Variants in KLRD1 observed in about 807,000 individuals in gnomAD.
KLRD1 encodes killer cell lectin like receptor D1.
A neutral mutation model predicts 22.6 loss-of-function variants in KLRD1; 21 were observed. The ratio of observed to expected loss-of-function variants is 0.93; its 90% CI spans 0.66 to 1.34. The LOEUF (loss-of-function observed/expected upper bound fraction) is 1.34, where lower values mean the gene tolerates loss of function less well. Among genes scored for constraint, KLRD1 ranks in the 40% most tolerant of loss-of-function variants. The pLI is 0.00. For missense variants in KLRD1, 183 were observed against 208.6 expected (o/e 0.88, Z 0.76); for synonymous variants, 59 against 71.1 (o/e 0.83, Z 0.85).
intron 1 of KLRD1, among the ~76,000 whole-genome samples, chr12:10,246,896 A>C (rs999681207): frequency 4.7e-5 from 7 of 149,644 alleles, no homozygotes; most frequent in African/African-American, 1.7e-4. Flanking sequence ...CTAAATGAGT[A>C]GGGAATTTCT....
intron 1 of KLRD1, among the ~76,000 whole-genome samples, chr12:10,270,352 A>C (rs2137642652): frequency 6.6e-6 from 1 of 152,344 alleles, no homozygotes; most frequent in South Asian, 2.1e-4. Flanking sequence ...GCTCTAAAAA[A>C]TACTTACTCT....
intron 1 of KLRD1, among the ~76,000 whole-genome samples, chr12:10,298,953 G>A (rs1456918426): frequency 6.6e-6 from 1 of 152,176 alleles, no homozygotes; most frequent in Non-Finnish European, 1.5e-5. Flanking sequence ...TAGCACCGCT[G>A]GGTTAGGGTC....
intron 1 of KLRD1, among the ~76,000 whole-genome samples, chr12:10,243,636 G>GAACAA (rs1949263462): frequency 8.0e-6 from 1 of 124,396 alleles, no homozygotes; most frequent in African/African-American, 3.1e-5. Context: ...AAAAAAAACC[G>GAACAA]AAATGAAAGA....
At chr12:10,304,072 T>G (rs1433907925), upstream of KLRD1, among the ~76,000 whole-genome samples, 1 of 152,186 alleles carries the variant, frequency 6.6e-6, no homozygotes, top group Non-Finnish European at 1.5e-5. Flanking sequence ...GATTGGATTG[T>G]CAAATCAGTA....
intron 1 of KLRD1, among the ~76,000 whole-genome samples, chr12:10,255,584 T>C (rs979641619): frequency 6.6e-6 from 1 of 152,202 alleles, no homozygotes; most frequent in African/African-American, 2.4e-5. Context: ...GTATTTTTTC[T>C]TTGACTCATT....
At chr12:10,246,927 TC>T (rs1488133348) in intron 1 of KLRD1, among the ~76,000 whole-genome samples, 16 of 136,058 alleles carry the variant, frequency 1.2e-4, no homozygotes, top group African/African-American at 4.3e-4. Flanking sequence ...TCTTTTCTTT[TC>T]TTTTCTTTTT....
At chr12:10,268,829 C>T (rs1290165884) in intron 1 of KLRD1, among the ~76,000 whole-genome samples, 4 of 152,260 alleles carry the variant, frequency 2.6e-5, no homozygotes, top group Non-Finnish European at 4.4e-5. Flanking sequence ...AAGTTAAATA[C>T]GTTTGTATTT....
At chr12:10,261,565 G>T (rs558132987) in intron 1 of KLRD1, among the ~76,000 whole-genome samples, 1 of 152,136 alleles carries the variant, frequency 6.6e-6, no homozygotes, top group South Asian at 2.1e-4. Flanking sequence ...GTAGAAAAAC[G>T]TAAATCTGCT....
chr12:10,314,016 A>G (rs923893369), intron 5 of KLRD1, among the ~76,000 whole-genome samples: 27 of 152,140 alleles, frequency 1.8e-4, no homozygotes, highest in African/African-American at 6.5e-4. Context: ...AGGGCCAGGG[A>G]TGGTGGCTTG....
rs34864670 is a variant in KLRD1, at chr12:10,243,607, C to CAAA, written c.-101+17398_-101+17400dup. ...CAGCCTGGGCAACAGAGTGAGACTC[C>CAAA]AAAAAAAAAAAAAAAAAAAAAAAAA... On this transcript the variant is annotated intron_variant, in intron 1 of 5. Transcript: ENST00000544747. Among the ~76,000 whole-genome samples the CAAA allele has an allele frequency of 8.0e-4, 23 of 28,770 alleles. 2 individuals are homozygous for CAAA. The highest frequency in any genetic ancestry group is 3.0e-3 in the Admixed American group (5 of 1,678). 18.9% of individuals were successfully genotyped at this position (28,770 alleles called of 152,430 possible).
chr12:10,248,536 TCC>T (rs1565446949), intron 1 of KLRD1, among the ~76,000 whole-genome samples: 2,175 of 112,288 alleles, frequency 0.019, 86 homozygotes, highest in African/African-American at 0.07. Context: ...TTCTTTTCCT[TCC>T]TTCCTTCCTT....
chr12:10,280,535 T>C (rs1346951911), intron 1 of KLRD1, among the ~76,000 whole-genome samples: 1 of 152,160 alleles, frequency 6.6e-6, no homozygotes, highest in Non-Finnish European at 1.5e-5. Flanking sequence ...CACGCCGTGC[T>C]CCATCGTTGA....
At position 10,244,995 on chromosome 12, in the gene KLRD1, A is replaced by G. The variant is rs1045873980; in HGVS notation, c.-101+18762A>G. 7.8e-4 allele frequency among the ~76,000 whole-genome samples: 119 copies of G among 152,294 alleles called. 1 individual carries two copies. The highest frequency in any genetic ancestry group is 2.7e-3 in the African/African-American group (111 of 41,542). On this transcript the variant is annotated intron_variant, in intron 1 of 5. Transcript: ENST00000544747. The stretch of plus-strand genomic sequence containing the variant: ...CATTAGCTCAAATAATTATTGTCAT[A>G]ATGCAGCAAGATATATAATGTTACT...
At chr12:10,267,274 G>A (rs1299716961) in intron 1 of KLRD1, among the ~76,000 whole-genome samples, 1 of 151,966 alleles carries the variant, frequency 6.6e-6, no homozygotes, top group Non-Finnish European at 1.5e-5. Flanking sequence ...TATCATCTCA[G>A]TGTTCATCTT....
intron 1 of KLRD1, among the ~76,000 whole-genome samples, chr12:10,239,465 C>CCTTCCTT (rs1949216192): frequency 4.8e-5 from 2 of 41,452 alleles, no homozygotes; most frequent in Non-Finnish European, 9.5e-5. Flanking sequence ...TTCCTTCCTT[C>CCTTCCTT]CTTCCTTCCT....
rs2137756183 is a variant in KLRD1 at position 10,326,264 on chromosome 12, C to T, written c.*11471C>T. 6.6e-6 allele frequency: 1 copy of T among 152,114 alleles called. No homozygotes were observed. The highest frequency in any genetic ancestry group is 1.5e-5 in the Non-Finnish European group (1 of 68,008). 9.4% of individuals were successfully genotyped at this position (152,114 alleles called of 1,614,324 possible). A position where few individuals can be genotyped will look rare whatever the true frequency, so the allele number is the denominator to read the frequency against. Reference sequence around the variant, plus strand: ...ATTTTCTCCCATTCTGTAGATCATCCTTTCATTCCATTGGTTATTTCCTTT... The same window carrying T: ...ATTTTCTCCCATTCTGTAGATCATCTTTTCATTCCATTGGTTATTTCCTTT... On this transcript the variant is annotated 3_prime_UTR_variant, in exon 6 of 6. Coordinates refer to ENST00000336164, the MANE Select transcript of KLRD1 (RefSeq NM_002262.5).
chr12:10,264,144 C>A (rs1183204820), intron 1 of KLRD1, among the ~76,000 whole-genome samples: 3 of 152,072 alleles, frequency 2.0e-5, no homozygotes, highest in Non-Finnish European at 4.4e-5. Context: ...CTATTTCTGT[C>A]ATATATTTGA....
intron 1 of KLRD1, among the ~76,000 whole-genome samples, chr12:10,264,080 G>A (rs1193537688): frequency 1.3e-5 from 2 of 152,070 alleles, no homozygotes; most frequent in Non-Finnish European, 2.9e-5. Flanking sequence ...AGCAAGCCAT[G>A]CATGAATTAT....
chr12:10,285,790 C>T (rs892171165), intron 1 of KLRD1, among the ~76,000 whole-genome samples: 8 of 152,120 alleles, frequency 5.3e-5, no homozygotes, highest in Non-Finnish European at 1.2e-4. Context: ...CCTATTCCCT[C>T]CTCTTCTCTT....
Sources: gnomAD v4.1 joint callset for allele counts (sites outside exome capture counted in the v4.1 genomes callset) on GRCh38, gnomAD v4.1.1 for gene constraint, MANE v1.5 for transcripts, NCBI Gene and HGNC (gene_info 2026-07-23, HGNC 2026-07-21) for gene names.